NAA15: variants seen among roughly 807,000 people sequenced by gnomAD.
The protein encoded by NAA15 is N-terminal acetyltransferase.
In NAA15, 34 loss-of-function variants were observed where a neutral mutation model predicts 114.0. The observed-to-expected ratio is 0.30, with a 90% CI of 0.23 to 0.40. The LOEUF is 0.40. Among genes scored for constraint, NAA15 ranks in the 10% least tolerant of loss-of-function variants. The pLI, the probability that NAA15 is intolerant of heterozygous loss-of-function variation, is 1.00. For missense variants in NAA15, 658 were observed against 1,004.5 expected (o/e 0.66, Z 4.66); for synonymous variants, 340 against 338.0 (o/e 1.01, Z -0.06).
chr4:139,324,664 G>A lies in NAA15; in HGVS notation c.55-9510G>A, dbSNP rs116727196. ...AGTTAGTTTAGGGCCGGGCGCAGTG[G>A]CTCACGCCTGTAATCCCAGCACTTC... On this transcript the variant is annotated intron_variant, in intron 1 of 19. Transcript: ENST00000296543. Among the ~76,000 whole-genome samples, 750 of 152,316 alleles carry A rather than the reference G, an allele frequency of 4.9e-3. 6 individuals are homozygous for A. Among genetic ancestry groups the A allele is most frequent in the African/African-American group, 0.018 (729 of 41,572 alleles).
intron 1 of NAA15, among the ~76,000 whole-genome samples, chr4:139,332,132 A>G (rs966528231): frequency 2.0e-5 from 3 of 151,762 alleles, no homozygotes; most frequent in Non-Finnish European, 2.9e-5. Flanking sequence ...ACTAAGTCCT[A>G]TAGTGCTTTT....
At chr4:139,367,725 A>C (rs1295191490) in intron 14 of NAA15, among the ~76,000 whole-genome samples, 1 of 152,116 alleles carries the variant, frequency 6.6e-6, no homozygotes, top group Non-Finnish European at 1.5e-5. Flanking sequence ...ATATTTTTTG[A>C]TCTTTGCCCA....
chr4:139,301,708 A>G lies in NAA15; in HGVS notation c.-70A>G. ...AAGGCTGAAGCAGCTACGGAACGGCAGCGGCGGCGGTCGGACAAACTGACT... is the reference window on the plus strand; with the variant it reads ...AAGGCTGAAGCAGCTACGGAACGGCGGCGGCGGCGGTCGGACAAACTGACT... On this transcript the variant is annotated 5_prime_UTR_variant, in exon 1 of 20. Transcript: ENST00000296543. 2.0e-6 allele frequency: 3 copies of G among 1,509,772 alleles called. No homozygotes were observed. Among genetic ancestry groups the G allele is most frequent in the Non-Finnish European group, 2.7e-6 (3 of 1,116,442 alleles). 93.5% of individuals were successfully genotyped at this position (1,509,772 alleles called of 1,614,324 possible).
At chr4:139,386,260 G>C (rs539896300) in intron 19 of NAA15, 30 bp downstream of exon 19, 1 of 1,269,668 alleles carries the variant, frequency 7.9e-7, no homozygotes, top group Non-Finnish European at 1.1e-6. Context: ...CTCTCTGTAA[G>C]AATACTTAAC....
intron 19 of NAA15, chr4:139,386,510 G>T (rs1261412779): frequency 1.3e-5 from 3 of 235,732 alleles, no homozygotes; most frequent in Non-Finnish European, 1.7e-5. Context: ...GCAAGCAGTG[G>T]TCTCAGTGGA....
At chr4:139,360,718 TA>T in intron 13 of NAA15, 90 bp downstream of exon 13, 1 of 1,141,162 alleles carries the variant, frequency 8.8e-7, no homozygotes, top group Non-Finnish European at 1.2e-6. Context: ...TATTTCTTTA[TA>T]ATTCATAGTA....
At chr4:139,306,691 C>A (rs1436321947) in intron 1 of NAA15, among the ~76,000 whole-genome samples, 6 of 151,296 alleles carry the variant, frequency 4.0e-5, no homozygotes, top group African/African-American at 1.5e-4. Flanking sequence ...GTGGCCTTTG[C>A]CTACTGTTGA....
chr4:139,307,892 G>A (rs550134824), intron 1 of NAA15, among the ~76,000 whole-genome samples: 1 of 152,068 alleles, frequency 6.6e-6, no homozygotes, highest in South Asian at 2.1e-4. Flanking sequence ...GGAGGGTGAG[G>A]GAATTGTTAG....
chr4:139,318,727 G>A (rs1434239917), intron 1 of NAA15, among the ~76,000 whole-genome samples: 1 of 151,932 alleles, frequency 6.6e-6, no homozygotes, highest in Non-Finnish European at 1.5e-5. Context: ...GGTGGCATGT[G>A]CCTGTAATCC....
At chr4:139,350,452 C>CA (rs928295507) in intron 7 of NAA15, among the ~76,000 whole-genome samples, 2 of 152,186 alleles carry the variant, frequency 1.3e-5, no homozygotes, top group African/African-American at 4.8e-5. Context: ...TTCTGTCACT[C>CA]AAACTTGGAT....
At chr4:139,339,490 A>G (rs1254460852) in intron 3 of NAA15, among the ~76,000 whole-genome samples, 1 of 151,742 alleles carries the variant, frequency 6.6e-6, no homozygotes, top group Non-Finnish European at 1.5e-5. Flanking sequence ...GAGCGAGACC[A>G]TCTCTTTTAA....
chr4:139,354,346 T>A (rs1339230570), intron 10 of NAA15, among the ~76,000 whole-genome samples: 1 of 152,172 alleles, frequency 6.6e-6, no homozygotes. Flanking sequence ...TTCCCCAGGC[T>A]GGAGTGCAGT....
At chr4:139,313,969 G>C (rs888197414) in intron 1 of NAA15, among the ~76,000 whole-genome samples, 3 of 151,844 alleles carry the variant, frequency 2.0e-5, no homozygotes, top group African/African-American at 7.3e-5. Context: ...AAATGAGTTT[G>C]ACCACAACAT....
rs762860848 is a variant in NAA15, at chr4:139,354,094, C to T, written c.1083C>T (p.Pro361=). The stretch of plus-strand genomic sequence containing the variant: ...TAAAAAGCTGCCGGTTATTTAACCC[C>T]AATGGTAAGTCCTCAAGTTTTATGT... ...TSLKSCRLFN[P]NDDGKEEPPT... is the part of the protein sequence containing the mutation. Residue 361 remains proline (P), a synonymous_variant, in exon 10 of 20, where the codon CCC becomes CCT. Transcript: ENST00000296543. The T allele has an allele frequency of 6.2e-7, 1 of 1,611,466 alleles. No individual in the cohort carries two copies. Among genetic ancestry groups the T allele is most frequent in the Non-Finnish European group, 8.5e-7 (1 of 1,177,976 alleles).
chr4:139,334,455 T>C (rs567185460), intron 2 of NAA15, among the ~76,000 whole-genome samples, 197 bp downstream of exon 2: 1 of 151,980 alleles, frequency 6.6e-6, no homozygotes, highest in Non-Finnish European at 1.5e-5. Context: ...TGAGTTCTGA[T>C]TTATTCTTAG....
intron 1 of NAA15, among the ~76,000 whole-genome samples, chr4:139,325,602 A>G (rs1350725018): frequency 6.6e-6 from 1 of 152,242 alleles, no homozygotes; most frequent in Non-Finnish European, 1.5e-5. Context: ...TTTAAAAATC[A>G]GCTATGTAAA....
chr4:139,315,666 G>A (rs976643627), intron 1 of NAA15, among the ~76,000 whole-genome samples: 3 of 151,864 alleles, frequency 2.0e-5, no homozygotes, highest in African/African-American at 7.3e-5. Flanking sequence ...ATTAGTACTT[G>A]CTCTTTTGTA....
chr4:139,368,676 C>T (rs1748350711), intron 14 of NAA15, among the ~76,000 whole-genome samples: 1 of 152,134 alleles, frequency 6.6e-6, no homozygotes, highest in African/African-American at 2.4e-5. Context: ...ACATGTTACT[C>T]CTTACACATG....
chr4:139,324,657 C>A (rs575120789), intron 1 of NAA15, among the ~76,000 whole-genome samples: 1 of 152,154 alleles, frequency 6.6e-6, no homozygotes, highest in East Asian at 1.9e-4. Context: ...TAGGGCCGGG[C>A]GCAGTGGCTC....
Sources: allele counts gnomAD v4.1 joint callset (sites outside exome capture counted in the v4.1 genomes callset), GRCh38; gene constraint gnomAD v4.1.1; transcripts MANE v1.5; gene names NCBI Gene and HGNC (gene_info 2026-07-23, HGNC 2026-07-21).